The following TNRC6A variants were observed in gnomAD, a reference collection of about 807,000 sequenced individuals.
The protein encoded by TNRC6A is trinucleotide repeat-containing gene 6A protein.
TNRC6A carries 44 observed loss-of-function variants against 221.2 expected under a neutral mutation model. The ratio of observed to expected loss-of-function variants is 0.20; its 90% CI spans 0.16 to 0.26. The LOEUF is 0.26. Ranked by LOEUF, TNRC6A falls within the 10% of genes least tolerant of loss-of-function variation. The pLI, the probability that TNRC6A is intolerant of heterozygous loss-of-function variation, is 1.00. For synonymous variants in TNRC6A, 847 were observed against 838.5 expected (o/e 1.01, Z -0.18); for missense variants, 2,199 against 2,404.4 (o/e 0.91, Z 1.79).
chr16:24,706,979 TTTTATTTATGTA>T (rs199710934), intron 2 of TNRC6A, among the ~76,000 whole-genome samples: 26,959 of 140,354 alleles, frequency 0.19, 2,874 homozygotes, highest in South Asian at 0.31. Flanking sequence ...ATTTATCTAT[TTTTATTTATGTA>T]TTTATTTATT....
At position 24,789,570 on chromosome 16, in the gene TNRC6A, AC is replaced by A. The variant is rs755331562; in HGVS notation, c.929del (p.Thr310MetfsTer11). Reference sequence around the variant, plus strand: ...CAATAATGTGGGCCATGGAAGTAGTACTGGGCCATGGGGTTTTTCCCATGGA... The same window carrying A: ...CAATAATGTGGGCCATGGAAGTAGTATGGGCCATGGGGTTTTTCCCATGGA... Reference protein sequence around the residue: ...SSNNVGHGSSTGPWGFSHGAI... With the variant: ...SSNNVGHGSSXGPWGFSHGAI... On this transcript the variant is annotated frameshift_variant, in exon 6 of 25. Transcript: ENST00000395799. LOFTEE classifies it high-confidence loss of function. 16 of 1,614,060 alleles carry A rather than the reference AC, an allele frequency of 9.9e-6. No individual in the cohort carries two copies. The African/African-American group carries it at 2.0e-4, about 20-fold the overall frequency.
At chr16:24,751,231 A>G (rs939553527) in intron 3 of TNRC6A, among the ~76,000 whole-genome samples, 4 of 152,118 alleles carry the variant, frequency 2.6e-5, no homozygotes, top group Admixed American at 1.3e-4. Context: ...TGTTTTGTTA[A>G]ATGAGGGTTG....
At position 24,789,714 on chromosome 16, in the gene TNRC6A, C is replaced by G; in HGVS notation, c.1072C>G (p.Pro358Ala). ...VSSSSNGGLN[P>A]STLNSASNHG... ...TTCTTCATCAAATGGAGGGTTAAAT[C>G]CAAGCACTTTGAATTCAGCTAGCAA... The change falls in exon 6 of 25, where the codon CCA becomes GCA. Residue 358 changes from proline (P) to alanine (A), a missense_variant. This residue lies in a region of TNRC6A where 1,405 missense variants were observed against 1,400.2 expected (regional missense o/e 1.00). Transcript: ENST00000395799. 1 of 1,614,180 alleles carries G rather than the reference C, an allele frequency of 6.2e-7. No individual in the cohort carries two copies.
At chr16:24,705,241 G>A (rs1345563450) in intron 2 of TNRC6A, among the ~76,000 whole-genome samples, 6 of 152,128 alleles carry the variant, frequency 3.9e-5, no homozygotes, top group African/African-American at 1.4e-4. Flanking sequence ...CACAGTTAAT[G>A]CATGGCACAT....
At chr16:24,734,938 TG>T (rs1364207895) in intron 2 of TNRC6A, among the ~76,000 whole-genome samples, 1 of 152,232 alleles carries the variant, frequency 6.6e-6, no homozygotes, top group Non-Finnish European at 1.5e-5. Context: ...GCATCTAAAC[TG>T]GGACACTTAT....
chr16:24,618,136 GT>G (rs1490901679), intron 1 of TNRC6A, among the ~76,000 whole-genome samples: 2 of 150,872 alleles, frequency 1.3e-5, no homozygotes, highest in African/African-American at 2.4e-5. Context: ...CCCAGACTGG[GT>G]CTTGAACTCT....
At chr16:24,814,887 T>C (rs770670526) in intron 18 of TNRC6A, among the ~76,000 whole-genome samples, 1 of 152,200 alleles carries the variant, frequency 6.6e-6, no homozygotes, top group Non-Finnish European at 1.5e-5. Context: ...TTTTAATGAT[T>C]TGGAAATAAG....
At chr16:24,805,802 C>T in intron 15 of TNRC6A, 69 bp downstream of exon 15, 1 of 1,592,562 alleles carries the variant, frequency 6.3e-7, no homozygotes, top group Non-Finnish European at 8.6e-7. Context: ...ACACTAGACT[C>T]TGTGCGGGAC....
intron 9 of TNRC6A, among the ~76,000 whole-genome samples, chr16:24,796,560 G>T (rs950494307): frequency 6.6e-6 from 1 of 152,188 alleles, no homozygotes; most frequent in Non-Finnish European, 1.5e-5. Context: ...AGAAAGGACA[G>T]AAGAACTTGG....
Position 24,820,345 on chromosome 16 carries a change from G to T in TNRC6A, c.5287G>T (p.Ala1763Ser), listed in dbSNP as rs149158264. 15 of 1,613,988 alleles carry T rather than the reference G, an allele frequency of 9.3e-6. No homozygotes were observed. The highest frequency in any genetic ancestry group is 3.3e-5 in the South Asian group (3 of 91,076). Residue 1763 changes from alanine to serine, a missense_variant, in exon 22 of 25, where the codon GCC becomes TCC. Physicochemically the swap from Ala to Ser is moderately conservative, Grantham distance 99. This residue lies in a region of TNRC6A where 449 missense variants were observed against 579.7 expected (regional missense o/e 0.77). Coordinates refer to ENST00000395799, the MANE Select transcript of TNRC6A (RefSeq NM_014494.4). Reference sequence around the variant, plus strand: ...AGGTGGAGGATGGGGAAATTCTGACGCCAGATATACCCCAGGTAAGATGCA... The same window carrying T: ...AGGTGGAGGATGGGGAAATTCTGACTCCAGATATACCCCAGGTAAGATGCA... The part of the protein sequence containing the change: ...RIGGGWGNSD[A>S]RYTPGSSWGE...
chr16:24,666,662 A>T (rs2343353), intron 2 of TNRC6A, among the ~76,000 whole-genome samples: 1,329 of 112,568 alleles, frequency 0.012, 10 homozygotes, highest in African/African-American at 0.033. Flanking sequence ...AAAAAAAAAA[A>T]AAAAAAATAT....
intron 1 of TNRC6A, among the ~76,000 whole-genome samples, chr16:24,634,202 G>A (rs1044476831): frequency 6.6e-6 from 1 of 152,130 alleles, no homozygotes; most frequent in East Asian, 1.9e-4. Context: ...CACTTTGGGA[G>A]GTTTGCTTGA....
Position 24,789,598 on chromosome 16 carries a change from C to G in TNRC6A, c.956C>G (p.Ala319Gly). ...GGGCCATGGGGTTTTTCCCATGGAGCCATAATAAGCACATGTCAGGTCTCT... is the reference window on the plus strand; with the variant it reads ...GGGCCATGGGGTTTTTCCCATGGAGGCATAATAAGCACATGTCAGGTCTCT... The part of the protein sequence containing the change: ...STGPWGFSHG[A>G]IISTCQVSVD... Residue 319 changes from alanine to glycine, a missense_variant, in exon 6 of 25, where the codon GCC becomes GGC. Ala to Gly is a moderately conservative substitution (Grantham distance 60). Transcript: ENST00000395799. 1 of 1,613,950 alleles carries G rather than the reference C, an allele frequency of 6.2e-7. No homozygotes were observed. The highest frequency in any genetic ancestry group is 8.5e-7 in the Non-Finnish European group (1 of 1,179,984).
At position 24,809,499 on chromosome 16, in the gene TNRC6A, T is replaced by TA; in HGVS notation, c.4672+19dup. On this transcript the variant is annotated intron_variant, in intron 18 of 24. Transcript: ENST00000395799. ...CAAACATGGTACAAAAGATACATCTTACCAAAAAAAAAAAAAAAACACACA... is the reference window on the plus strand; with the variant it reads ...CAAACATGGTACAAAAGATACATCTTAACCAAAAAAAAAAAAAAAACACACA... 7.6e-7 allele frequency: 1 copy of TA among 1,319,556 alleles called. No individual in the cohort carries two copies. The highest frequency in any genetic ancestry group is 9.6e-7 in the Non-Finnish European group (1 of 1,039,760). 81.7% of individuals were successfully genotyped at this position (1,319,556 alleles called of 1,614,324 possible). A position where few individuals can be genotyped will look rare whatever the true frequency, so the allele number is the denominator to read the frequency against.
intron 5 of TNRC6A, among the ~76,000 whole-genome samples, chr16:24,778,876 A>C (rs79422624): frequency 0.011 from 1,656 of 152,266 alleles, 18 homozygotes; most frequent in Admixed American, 0.02. Context: ...ATAATGAAAA[A>C]TGTGGTTAAA....
chr16:24,820,591 A>G (rs1253476707), intron 22 of TNRC6A, among the ~76,000 whole-genome samples: 2 of 152,244 alleles, frequency 1.3e-5, no homozygotes, highest in Admixed American at 1.3e-4. Flanking sequence ...CTACATCTTA[A>G]AATGTGTAGG....
In TNRC6A at chr16:24,823,413, C is replaced by T. The variant is rs749468459; in HGVS notation, c.5514-19C>T. 7.5e-6 allele frequency: 12 copies of T among 1,592,456 alleles called. No homozygotes were observed. In the Admixed American group the frequency reaches 8.5e-5, roughly 11 times the overall value. ...CTGGTGTGCTGTCCTCACGTGTCCG[C>T]GGTGCCTCTCTCCTCTAGGTGTGTA... On this transcript the variant is annotated intron_variant, in intron 24 of 24. Transcript: ENST00000395799. This position sits in a 1 kb window ranked among gnomAD's most constrained non-coding sequence, Gnocchi z 4.3.
chr16:24,642,911 G>T (rs1440624129), intron 2 of TNRC6A, among the ~76,000 whole-genome samples: 1 of 150,694 alleles, frequency 6.6e-6, no homozygotes, highest in Non-Finnish European at 1.5e-5. Flanking sequence ...GGGCATGGTT[G>T]TGTGTGTCTG....
chr16:24,806,090 T>TGTTGGC, intron 15 of TNRC6A, 116 bp from the exon 16 acceptor site: 1 of 1,070,460 alleles, frequency 9.3e-7, no homozygotes, highest in East Asian at 2.5e-5. Flanking sequence ...ATGCTAGACA[T>TGTTGGC]GTTGGCATTG....
Sources: allele counts gnomAD v4.1 joint callset (sites outside exome capture counted in the v4.1 genomes callset), GRCh38; gene constraint gnomAD v4.1.1; regional missense constraint gnomAD v4.1.1; non-coding constraint Gnocchi (gnomAD v3.1); transcripts MANE v1.5; gene names NCBI Gene and HGNC (gene_info 2026-07-23, HGNC 2026-07-21).